SLC26A9: variants seen among roughly 807,000 people sequenced by gnomAD.
The protein encoded by SLC26A9 is solute carrier family 26 member 9, also known as anion transporter/exchanger protein 9.
A neutral mutation model predicts 87.1 loss-of-function variants in SLC26A9; 46 were observed. The ratio of observed to expected loss-of-function variants is 0.53; its 90% CI spans 0.42 to 0.67. The LOEUF (loss-of-function observed/expected upper bound fraction) is 0.67, where lower values mean the gene tolerates loss of function less well. SLC26A9 is among the 30% of genes least tolerant of loss of function. The pLI is 0.00. For synonymous variants in SLC26A9, 437 were observed against 409.1 expected (o/e 1.07, Z -0.82); for missense variants, 927 against 1,018.3 (o/e 0.91, Z 1.22).
rs16856462 is a variant in SLC26A9, at chr1:205,918,853, T to C, written c.2243A>G (p.His748Arg). 0.079 allele frequency: 127,063 copies of C among 1,612,986 alleles called. 5,749 individuals are homozygous for C. Among genetic ancestry groups the C allele is most frequent in the African/African-American group, 0.17 (12,829 of 74,976 alleles). Residue 748 changes from histidine (H) to arginine (R), a missense_variant, in exon 19 of 21, where the codon CAC (histidine) becomes CGC (arginine). Transcript: ENST00000367135. Reference sequence around the variant, plus strand: ...CAAGAACCTTACCCCTTGGAAGTTGTGTCCTGGGGTCACGTCTCTAGCATT... The same window carrying C: ...CAAGAACCTTACCCCTTGGAAGTTGCGTCCTGGGGTCACGTCTCTAGCATT... ...QANARDVTPG[H>R]NFQGAPGDAE... is the part of the protein sequence containing the mutation.
At position 205,925,920 on chromosome 1, in the gene SLC26A9, T is replaced by C. The variant is rs372739139; in HGVS notation, c.1389+615A>G. ...TGGAGTGTGTGACTAATCAGGACAATAAGTCATGTTTGCAGAATGTTTGCG... is the reference window on the plus strand; with the variant it reads ...TGGAGTGTGTGACTAATCAGGACAACAAGTCATGTTTGCAGAATGTTTGCG... On this transcript the variant is annotated intron_variant, in intron 12 of 20. Transcript: ENST00000367135. Among the ~76,000 whole-genome samples the C allele has an allele frequency of 9.2e-5, 14 of 152,298 alleles. 1 individual carries two copies. Among genetic ancestry groups the C allele is most frequent in the African/African-American group, 2.6e-4 (11 of 41,564 alleles).
intron 19 of SLC26A9, 37 bp from the exon 20 acceptor site, chr1:205,917,391 T>G: frequency 1.9e-6 from 3 of 1,609,878 alleles, no homozygotes; most frequent in Non-Finnish European, 2.6e-6. Context: ...TGAGCTTCAG[T>G]GACTGAACAG....
intron 5 of SLC26A9, among the ~76,000 whole-genome samples, chr1:205,930,487 G>A (rs938054981): frequency 1.3e-5 from 2 of 152,028 alleles, no homozygotes; most frequent in East Asian, 3.9e-4. Flanking sequence ...CCTGGTCTTC[G>A]CCTGCATTAT....
In SLC26A9 at chr1:205,915,218, A is replaced by AG; in HGVS notation, c.*138dup. ...CGGGGAGGGAAGGAAGGGAGGAGAG[A>AG]GGGGGAGAGGAGAGAGGAACCCAAG... On this transcript the variant is annotated 3_prime_UTR_variant, in exon 21 of 21. Transcript: ENST00000367135. 1 of 1,606,002 alleles carries AG rather than the reference A, an allele frequency of 6.2e-7. No individual in the cohort carries two copies. The highest frequency in any genetic ancestry group is 8.5e-7 in the Non-Finnish European group (1 of 1,175,154).
intron 2 of SLC26A9, among the ~76,000 whole-genome samples, chr1:205,934,712 A>C (rs1659439446): frequency 6.6e-6 from 1 of 152,216 alleles, no homozygotes; most frequent in Non-Finnish European, 1.5e-5. Context: ...TTTTAGGACA[A>C]TAGCAGATCT....
chr1:205,927,845 A>G, intron 9 of SLC26A9, 57 bp downstream of exon 9: 2 of 1,582,990 alleles, frequency 1.3e-6, no homozygotes, highest in Non-Finnish European at 1.7e-6. Context: ...AAGATATGTC[A>G]TGCCAGGCCT....
At position 205,920,357 on chromosome 1, in the gene SLC26A9, C is replaced by G. The variant is rs149174912; in HGVS notation, c.2056-127G>C. 3.7e-4 allele frequency: 389 copies of G among 1,062,902 alleles called. No individual in the cohort carries two copies. In the African/African-American group the frequency reaches 5.6e-3, roughly 15 times the overall value. 65.8% of individuals were successfully genotyped at this position (1,062,902 alleles called of 1,614,324 possible). On this transcript the variant is annotated intron_variant, in intron 17 of 20. Coordinates refer to ENST00000367135, the MANE Select transcript of SLC26A9 (RefSeq NM_052934.4). The stretch of plus-strand genomic sequence containing the variant: ...TAAGCAACCCTGAGAGCCCAGCAGC[C>G]AAAGACAAAAATAGCAGCAAAGCAC...
intron 16 of SLC26A9, 108 bp from the exon 17 acceptor site, chr1:205,921,955 C>T (rs1658855050): frequency 7.3e-7 from 1 of 1,363,374 alleles, no homozygotes; most frequent in Non-Finnish European, 9.9e-7. Flanking sequence ...GAATAACTCG[C>T]CTCGGTGATG....
Position 205,927,264 on chromosome 1 carries a change from C to A in SLC26A9, c.1240G>T (p.Val414Leu). 1 of 1,614,034 alleles carries A rather than the reference C, an allele frequency of 6.2e-7. No individual in the cohort carries two copies. ...SQVASLCVSL[V>L]VMITMLVLGI... ...AGGACCAGCATGGTGATCATCACCA[C>A]CAGAGACACACACAGGCTGGCCACC... Residue 414 changes from valine (V) to leucine (L), a missense_variant, in exon 11 of 21, where the codon GTG becomes TTG. Coordinates refer to ENST00000367135, the MANE Select transcript of SLC26A9 (RefSeq NM_052934.4).
chr1:205,922,000 C>A (rs1005539306), intron 16 of SLC26A9, among the ~76,000 whole-genome samples, 153 bp from the exon 17 acceptor site: 1 of 152,128 alleles, frequency 6.6e-6, no homozygotes, highest in Admixed American at 6.5e-5. Flanking sequence ...ACCAGAGAGG[C>A]CTCTCCCAAA....
At chr1:205,921,962 G>A in intron 16 of SLC26A9, 115 bp from the exon 17 acceptor site, 1 of 1,315,522 alleles carries the variant, frequency 7.6e-7, no homozygotes, top group Non-Finnish European at 1.0e-6. Context: ...TCGCCTCGGT[G>A]ATGGTGAACA....
At chr1:205,917,097 TA>T (rs397957046) in intron 20 of SLC26A9, among the ~76,000 whole-genome samples, 185 bp downstream of exon 20, 1,291 of 110,932 alleles carry the variant, frequency 0.012, 5 homozygotes, top group Non-Finnish European at 0.019. Context: ...TGTCTCAAAT[TA>T]AAAAAAAAAA....
chr1:205,928,964 G>A, intron 7 of SLC26A9, 55 bp from the exon 8 acceptor site: 1 of 1,598,014 alleles, frequency 6.3e-7, no homozygotes, highest in Non-Finnish European at 8.6e-7. Context: ...GCCAGGGCAG[G>A]CGTCTCTCTC....
chr1:205,930,044 A>G lies in SLC26A9; in HGVS notation c.565T>C (p.Phe189Leu). ...ATGGCCACAAAGCCAAACTGCATGAAGCCCAGACCCATCTGAGAGGAGGAA... is the reference window on the plus strand; with the variant it reads ...ATGGCCACAAAGCCAAACTGCATGAGGCCCAGACCCATCTGAGAGGAGGAA... ...LTAIIQMGLGFMQFGFVAIYL... is the reference protein window; with the variant it reads ...LTAIIQMGLGLMQFGFVAIYL... The change falls in exon 6 of 21, where the codon TTC (phenylalanine) becomes CTC (leucine). Residue 189 changes from phenylalanine to leucine, a missense_variant. Phe to Leu is a conservative substitution (Grantham distance 22). Coordinates refer to ENST00000367135, the MANE Select transcript of SLC26A9 (RefSeq NM_052934.4). 6.2e-7 allele frequency: 1 copy of G among 1,600,382 alleles called. No individual in the cohort carries two copies.
At position 205,923,132 on chromosome 1, in the gene SLC26A9, G is replaced by A. The variant is rs201823199; in HGVS notation, c.1723C>T (p.Arg575Trp). Reference protein sequence around the residue: ...KQKYLKKQEKRRMRPTQQRRS... With the variant: ...KQKYLKKQEKWRMRPTQQRRS... Reference sequence around the variant, plus strand: ...CTCTGTTGTGTGGGCCTCATTCTCCGCTTCTCCTGCTTCTTGAGGTATTTT... The same window carrying A: ...CTCTGTTGTGTGGGCCTCATTCTCCACTTCTCCTGCTTCTTGAGGTATTTT... Residue 575 changes from arginine (R) to tryptophan (W), a missense_variant, in exon 16 of 21, where the codon CGG (arginine) becomes TGG (tryptophan). Coordinates refer to ENST00000367135, the MANE Select transcript of SLC26A9 (RefSeq NM_052934.4). The A allele has an allele frequency of 1.2e-4, 200 of 1,614,076 alleles. No individual in the cohort carries two copies. The highest frequency in any genetic ancestry group is 1.6e-4 in the Middle Eastern group (1 of 6,062).
intron 7 of SLC26A9, 120 bp from the exon 8 acceptor site, chr1:205,929,029 G>A: frequency 6.9e-7 from 1 of 1,452,574 alleles, no homozygotes; most frequent in Non-Finnish European, 9.6e-7. Flanking sequence ...TCCTTAGGGG[G>A]AATTATTAGA....
chr1:205,922,962 A>C, intron 16 of SLC26A9, 120 bp downstream of exon 16: 1 of 820,406 alleles, frequency 1.2e-6, no homozygotes, highest in Non-Finnish European at 2.1e-6. Flanking sequence ...GTTCCCAGAG[A>C]CTTTCTGTCT....
chr1:205,935,733 T>G lies in SLC26A9; in HGVS notation c.88A>C (p.Thr30Pro). The G allele has an allele frequency of 6.2e-7, 1 of 1,614,054 alleles. No individual in the cohort carries two copies. Among genetic ancestry groups the G allele is most frequent in the Non-Finnish European group, 8.5e-7 (1 of 1,179,968 alleles). The change falls in exon 2 of 21, where the codon ACA (threonine) becomes CCA (proline). Residue 30 changes from threonine to proline, a missense_variant. By Grantham distance (38) the Thr-to-Pro change is conservative (BLOSUM62 -1). Transcript: ENST00000367135. ...CGAAGTTTCTCTCCCACTGGGTATG[T>G]CCGGTCCTTCTTCTCAAACTCATCG... ...FDDEFEKKDR[T>P]YPVGEKLRNA...
intron 1 of SLC26A9, among the ~76,000 whole-genome samples, chr1:205,937,637 G>T (rs57794663): frequency 0.011 from 1,679 of 152,286 alleles, 14 homozygotes; most frequent in Middle Eastern, 0.031. Flanking sequence ...ATGGGAGGGT[G>T]CTTTCTACCT....
Sources: gnomAD v4.1 joint callset for allele counts (sites outside exome capture counted in the v4.1 genomes callset) on GRCh38, gnomAD v4.1.1 for gene constraint, MANE v1.5 for transcripts, NCBI Gene and HGNC (gene_info 2026-07-23, HGNC 2026-07-21) for gene names.